The following NCOR2 variants were observed in gnomAD, a reference collection of about 807,000 sequenced individuals.
NCOR2 encodes the protein nuclear receptor corepressor 2, also known as CTG repeat protein 26.
A neutral mutation model predicts 262.9 loss-of-function variants in NCOR2; 81 were observed. The ratio of observed to expected loss-of-function variants is 0.31; its 90% CI spans 0.26 to 0.37. The LOEUF (loss-of-function observed/expected upper bound fraction) is 0.37. Ranked by LOEUF, NCOR2 falls within the 10% of genes least tolerant of loss-of-function variation. The pLI is 1.00. For synonymous variants in NCOR2, 1,659 were observed against 1,559.3 expected (o/e 1.06, Z -1.51); for missense variants, 3,385 against 3,621.4 (o/e 0.93, Z 1.68).
intron 1 of NCOR2, among the ~76,000 whole-genome samples, chr12:124,528,059 C>CA (rs2050578126): frequency 6.6e-6 from 1 of 152,132 alleles, no homozygotes; most frequent in Non-Finnish European, 1.5e-5. Context: ...GGTTTCACTG[C>CA]GGAACAGACG....
intron 13 of NCOR2, among the ~76,000 whole-genome samples, chr12:124,402,913 A>G (rs957590702): frequency 3.9e-5 from 6 of 152,102 alleles, no homozygotes; most frequent in African/African-American, 7.2e-5. Flanking sequence ...CGCCTTGACA[A>G]TGGGGGTATT....
chr12:124,475,579 C>T (rs886319306), intron 3 of NCOR2, among the ~76,000 whole-genome samples: 6 of 152,238 alleles, frequency 3.9e-5, no homozygotes, highest in Admixed American at 1.3e-4. Flanking sequence ...CCACAGGCAA[C>T]GGGGAACAAA....
At chr12:124,465,404 C>G (rs2046369509) in intron 5 of NCOR2, among the ~76,000 whole-genome samples, 2 of 152,194 alleles carry the variant, frequency 1.3e-5, no homozygotes, top group East Asian at 3.8e-4. Flanking sequence ...TCACCAGACA[C>G]AAGGTTCCAC....
In NCOR2 at chr12:124,430,668, C is replaced by T. The variant is rs765160249; in HGVS notation, c.1002G>A (p.Glu334=). 6.8e-6 allele frequency: 11 copies of T among 1,614,126 alleles called. No homozygotes were observed. The Admixed American group carries it at 1.3e-4, about 20-fold the overall frequency. ...GCTTGCGGATCTCAGGGAACTGCTT[C>T]TCGTAGTACTCGCGCACCTTGCTCT... Residue 334 remains glutamate, a synonymous_variant, in exon 9 of 47, where the codon GAG becomes GAA. Coordinates refer to ENST00000405201, the Ensembl canonical transcript of NCOR2.
intron 3 of NCOR2, among the ~76,000 whole-genome samples, chr12:124,474,955 A>G (rs2047022956): frequency 6.6e-6 from 1 of 152,020 alleles, no homozygotes; most frequent in African/African-American, 2.4e-5. Context: ...CCCGGGGGCC[A>G]CCGAGTGCCC....
chr12:124,438,256 C>T (rs139529547), intron 7 of NCOR2, among the ~76,000 whole-genome samples: 590 of 152,286 alleles, frequency 3.9e-3, no homozygotes, highest in Middle Eastern at 0.017. Flanking sequence ...AGCCGAGGGG[C>T]CTGTGGCTTC....
intron 15 of NCOR2, among the ~76,000 whole-genome samples, chr12:124,399,941 G>A (rs2041908164): frequency 6.6e-6 from 1 of 152,152 alleles, no homozygotes; most frequent in Non-Finnish European, 1.5e-5. Context: ...GAGGCCCACG[G>A]AAGTGAAGGT....
Position 124,378,140 on chromosome 12 carries a change from A to C in NCOR2, c.2167+97T>G. On this transcript the variant is annotated intron_variant, in intron 18 of 46. Coordinates refer to ENST00000405201, the Ensembl canonical transcript of NCOR2. This position sits in a 1 kb window ranked among gnomAD's most constrained non-coding sequence, Gnocchi z 4.2. Reference sequence around the variant, plus strand: ...CTTCTAAGGAGGACCCAGATGACTCAGGGGAGAGGAGGCTGCCGGGATCAG... The same window carrying C: ...CTTCTAAGGAGGACCCAGATGACTCCGGGGAGAGGAGGCTGCCGGGATCAG... 6.5e-7 allele frequency: 1 copy of C among 1,531,922 alleles called. No homozygotes were observed. The highest frequency in any genetic ancestry group is 8.8e-7 in the Non-Finnish European group (1 of 1,141,244). 94.9% of individuals were successfully genotyped at this position (1,531,922 alleles called of 1,614,324 possible).
chr12:124,567,322 A>T (rs1384702450), exon 1 of NCOR2: 4 of 151,744 alleles, frequency 2.6e-5, no homozygotes, highest in African/African-American at 9.7e-5. Flanking sequence ...CGGAGGTGGC[A>T]GCGGTGGCGC....
At chr12:124,409,071 A>T (rs530300368) in intron 13 of NCOR2, among the ~76,000 whole-genome samples, 1 of 152,322 alleles carries the variant, frequency 6.6e-6, no homozygotes, top group East Asian at 1.9e-4. Flanking sequence ...ATTTACCAGC[A>T]CTCTACGGCA....
rs904409879 is a variant in NCOR2 at position 124,523,190 on chromosome 12, G to A, written c.-118+12375C>T. Among the ~76,000 whole-genome samples, 10 of 152,124 alleles carry A rather than the reference G, an allele frequency of 6.6e-5. No homozygotes were observed. The highest frequency in any genetic ancestry group is 5.2e-4 in the Admixed American group (8 of 15,270). On this transcript the variant is annotated intron_variant, in intron 1 of 46. Transcript: ENST00000404621. This position sits in a 1 kb window ranked among gnomAD's most constrained non-coding sequence, Gnocchi z 4.0. Reference sequence around the variant, plus strand: ...GTTGTTTTTATTTTTAAAAGGGGCCGCCCCCACCCACAGCAGCTGTGAGCT... The same window carrying A: ...GTTGTTTTTATTTTTAAAAGGGGCCACCCCCACCCACAGCAGCTGTGAGCT...
chr12:124,376,693 C>A (rs989940340), intron 18 of NCOR2, among the ~76,000 whole-genome samples: 1 of 152,202 alleles, frequency 6.6e-6, no homozygotes, highest in Non-Finnish European at 1.5e-5. Flanking sequence ...GCTGGTGAAA[C>A]CCTGCGGGCT....
chr12:124,452,340 G>A (rs1269618063), intron 6 of NCOR2, among the ~76,000 whole-genome samples: 1 of 152,232 alleles, frequency 6.6e-6, no homozygotes, highest in Admixed American at 6.5e-5. Context: ...CCAATCAAAT[G>A]CAGGCCAGGT....
intron 38 of NCOR2, 75 bp from the exon 41 acceptor site, chr12:124,335,707 C>CAGCT: frequency 6.6e-7 from 1 of 1,504,356 alleles, no homozygotes; most frequent in Non-Finnish European, 8.9e-7. Context: ...GCTGCCCTCC[C>CAGCT]AGCTGGCTGG....
rs2045746437 is a variant in NCOR2 at position 124,454,813 on chromosome 12, G to A, written c.762+2293C>T. Among the ~76,000 whole-genome samples the A allele has an allele frequency of 6.6e-6, 1 of 152,176 alleles. No homozygotes were observed. The highest frequency in any genetic ancestry group is 2.4e-5 in the African/African-American group (1 of 41,432). On this transcript the variant is annotated intron_variant, in intron 6 of 46. Coordinates refer to ENST00000405201, the Ensembl canonical transcript of NCOR2. The surrounding 1 kb of genome is among the most constrained non-coding windows in gnomAD (Gnocchi z 5.6). ...ATTCCACGCCTAGGTACACACCCAGGAGAAATGAAGACGTACGTTCACATG... is the reference window on the plus strand; with the variant it reads ...ATTCCACGCCTAGGTACACACCCAGAAGAAATGAAGACGTACGTTCACATG...
chr12:124,339,853 A>AT (rs1566364300), intron 37 of NCOR2, among the ~76,000 whole-genome samples, 153 bp downstream of exon 39: 1 of 138,404 alleles, frequency 7.2e-6, no homozygotes, highest in African/African-American at 2.9e-5. Flanking sequence ...CCACCCATCC[A>AT]CTACTCACAC....
intron 17 of NCOR2, 66 bp downstream of exon 19, chr12:124,385,679 C>T: frequency 1.3e-6 from 2 of 1,588,330 alleles, no homozygotes; most frequent in East Asian, 2.2e-5. Context: ...AGAGACATCT[C>T]CTGAGGCAGT....
At chr12:124,405,127 C>T (rs1196363799) in intron 13 of NCOR2, among the ~76,000 whole-genome samples, 2 of 152,274 alleles carry the variant, frequency 1.3e-5, no homozygotes, top group Admixed American at 1.3e-4. Flanking sequence ...CCACTCCAGA[C>T]TCTACAAGCC....
At chr12:124,386,387 G>T (rs1381297133) in intron 16 of NCOR2, among the ~76,000 whole-genome samples, 4 of 152,110 alleles carry the variant, frequency 2.6e-5, no homozygotes, top group Admixed American at 1.3e-4. Context: ...AAGGGACGTG[G>T]TGAGCAGGGG....
Sources: gnomAD v4.1 joint callset for allele counts (sites outside exome capture counted in the v4.1 genomes callset) on GRCh38, gnomAD v4.1.1 for gene constraint, Gnocchi (gnomAD v3.1) non-coding constraint, MANE v1.5 for transcripts, NCBI Gene and HGNC (gene_info 2026-07-23, HGNC 2026-07-21) for gene names.